The following MEI4 variants were observed in gnomAD, a reference collection of about 807,000 sequenced individuals.
The protein encoded by MEI4 is meiosis-specific protein MEI4.
Under a neutral mutation model 31.4 loss-of-function variants are expected in MEI4, and 27 were observed. That is an observed-to-expected ratio of 0.86 (90% CI 0.63 to 1.19). The LOEUF is 1.19. Ranked by LOEUF, MEI4 falls within the 50% of genes most tolerant of loss-of-function variation. The probability of loss-of-function intolerance (pLI) is 0.00; values close to 1 mark genes in which losing one functional copy is unlikely to be tolerated. For missense variants in MEI4, 329 were observed against 398.9 expected, an observed-to-expected ratio of 0.82 and a Z score of 1.49; for synonymous variants, 122 against 145.4, an observed-to-expected ratio of 0.84 and a Z score of 1.16.
At chr6:77,764,608 A>G (rs746797364) in intron 3 of MEI4, among the ~76,000 whole-genome samples, 1 of 152,176 alleles carries the variant, frequency 6.6e-6, no homozygotes, top group Non-Finnish European at 1.5e-5. Context: ...GAGTAAATGG[A>G]TTTAATTGAC....
chr6:77,859,290 T>A (rs572651753), intron 4 of MEI4, among the ~76,000 whole-genome samples: 1 of 152,172 alleles, frequency 6.6e-6, no homozygotes, highest in Non-Finnish European at 1.5e-5. Flanking sequence ...GGGTTGGTTC[T>A]ATATCTTTGC....
chr6:77,789,986 C>T (rs1768870435), intron 3 of MEI4, among the ~76,000 whole-genome samples: 1 of 151,960 alleles, frequency 6.6e-6, no homozygotes, highest in Non-Finnish European at 1.5e-5. Flanking sequence ...TTCACAATAG[C>T]AAAGTCTTGG....
intron 2 of MEI4, among the ~76,000 whole-genome samples, chr6:77,730,040 G>A (rs141708941): frequency 2.0e-4 from 30 of 152,170 alleles, no homozygotes; most frequent in African/African-American, 6.7e-4. Flanking sequence ...AGTGTCTTCA[G>A]TGTCTTGGTG....
Position 77,805,048 on chromosome 6 carries a change from TTTA to T in MEI4, c.769-23875_769-23873del, listed in dbSNP as rs1480818318. ...ATTGAGAAGTGTGTTGTTTGGAACT[TTTA>T]TTATTATAAAATAAAATACAATCAA... On this transcript the variant is annotated intron_variant, in intron 3 of 4. Transcript: ENST00000684080. Among the ~76,000 whole-genome samples, 77 of 152,314 alleles carry T rather than the reference TTTA, an allele frequency of 5.1e-4. 2 individuals carry two copies. The highest frequency in any genetic ancestry group is 1.3e-3 in the African/African-American group (56 of 41,580).
chr6:77,860,277 C>T (rs541667287), intron 4 of MEI4, among the ~76,000 whole-genome samples: 28 of 152,190 alleles, frequency 1.8e-4, no homozygotes, highest in South Asian at 6.2e-4. Context: ...AAAATTTGAA[C>T]GATGTCAGAA....
intron 1 of MEI4, among the ~76,000 whole-genome samples, chr6:77,674,157 G>A (rs1768798404): frequency 6.6e-6 from 1 of 152,096 alleles, no homozygotes; most frequent in Non-Finnish European, 1.5e-5. Flanking sequence ...ACTTCCTTCA[G>A]CAGTGGGGTT....
At chr6:77,807,162 T>C (rs75222294) in intron 3 of MEI4, among the ~76,000 whole-genome samples, 2 of 141,710 alleles carry the variant, frequency 1.4e-5, no homozygotes, top group Admixed American at 7.1e-5. Flanking sequence ...TTTTTTTTTT[T>C]CTTAAGAATG....
chr6:77,742,979 T>G (rs888872552), intron 2 of MEI4, among the ~76,000 whole-genome samples: 1 of 152,212 alleles, frequency 6.6e-6, no homozygotes, highest in South Asian at 2.1e-4. Flanking sequence ...CATTGATCTA[T>G]ATCTCTGTTT....
upstream of MEI4, among the ~76,000 whole-genome samples, chr6:77,651,856 T>C (rs1768305716): frequency 6.6e-6 from 1 of 152,204 alleles, no homozygotes; most frequent in East Asian, 1.9e-4. Context: ...TTTTTGTGAA[T>C]GTTAGTCTGA....
chr6:77,859,794 C>T (rs1358126095), intron 4 of MEI4, among the ~76,000 whole-genome samples: 1 of 152,118 alleles, frequency 6.6e-6, no homozygotes, highest in African/African-American at 2.4e-5. Context: ...ATTTGAAATG[C>T]AATATTTGGT....
intron 4 of MEI4, among the ~76,000 whole-genome samples, chr6:77,902,286 ATTATT>A (rs949138335): frequency 6.6e-6 from 1 of 152,092 alleles, no homozygotes; most frequent in African/African-American, 2.4e-5. Context: ...GAATCTGTAT[ATTATT>A]TTGAGATACT....
At chr6:77,663,376 T>G in intron 1 of MEI4, among the ~76,000 whole-genome samples, 1 of 150,720 alleles carries the variant, frequency 6.6e-6, no homozygotes, top group Non-Finnish European at 1.5e-5. Flanking sequence ...AAGGAGGGAG[T>G]AGAGGTGTCC....
chr6:77,677,307 C>T (rs1768862383), intron 1 of MEI4, among the ~76,000 whole-genome samples: 1 of 152,086 alleles, frequency 6.6e-6, no homozygotes, highest in Non-Finnish European at 1.5e-5. Flanking sequence ...TTTCATTTTC[C>T]CAATGGCCTA....
At chr6:77,837,639 ATCTCCAAAGCAT>A (rs1298496137) in intron 4 of MEI4, among the ~76,000 whole-genome samples, 1 of 152,158 alleles carries the variant, frequency 6.6e-6, no homozygotes, top group Non-Finnish European at 1.5e-5. Context: ...ACATATAACA[ATCTCCAAAGCAT>A]TCAATATTTA....
chr6:77,701,796 C>T (rs968002275), intron 2 of MEI4, among the ~76,000 whole-genome samples: 1 of 152,158 alleles, frequency 6.6e-6, no homozygotes, highest in Middle Eastern at 3.4e-3. Context: ...TTATTAATTA[C>T]AGGGCACTTG....
intron 2 of MEI4, among the ~76,000 whole-genome samples, chr6:77,746,513 G>A (rs1334610316): frequency 6.6e-6 from 1 of 152,048 alleles, no homozygotes; most frequent in Non-Finnish European, 1.5e-5. Flanking sequence ...TCTTAAGTCT[G>A]CCAGTTTTTG....
At chr6:77,773,146 G>A (rs114216426) in intron 3 of MEI4, among the ~76,000 whole-genome samples, 1,807 of 151,946 alleles carry the variant, frequency 0.012, 42 homozygotes, top group African/African-American at 0.041. Context: ...CATTGTAATC[G>A]CTATCAAAAT....
At chr6:77,883,048 C>T (rs191735213) in intron 4 of MEI4, among the ~76,000 whole-genome samples, 5 of 151,896 alleles carry the variant, frequency 3.3e-5, no homozygotes, top group East Asian at 1.9e-4. Flanking sequence ...TGTCCAGGTT[C>T]GTACAAGTAT....
At chr6:77,797,979 T>C (rs993834010) in intron 3 of MEI4, among the ~76,000 whole-genome samples, 1 of 152,164 alleles carries the variant, frequency 6.6e-6, no homozygotes, top group Non-Finnish European at 1.5e-5. Context: ...CACACAAGCC[T>C]ATGTATGTTC....
Sources: gnomAD v4.1 joint callset for allele counts (sites outside exome capture counted in the v4.1 genomes callset) on GRCh38, gnomAD v4.1.1 for gene constraint, MANE v1.5 for transcripts, NCBI Gene and HGNC (gene_info 2026-07-23, HGNC 2026-07-21) for gene names.